The following SCN1A variants were observed in gnomAD, a reference collection of about 807,000 sequenced individuals.
The protein encoded by SCN1A is sodium channel protein type 1 subunit alpha.
In SCN1A, 13 loss-of-function variants were observed where a neutral mutation model predicts 193.7. The ratio of observed to expected loss-of-function variants is 0.07; its 90% CI spans 0.04 to 0.11. The LOEUF (loss-of-function observed/expected upper bound fraction) is 0.11. SCN1A is among the 10% of genes least tolerant of loss of function. SCN1A has a pLI of 1.00. For missense variants in SCN1A, 1,432 were observed against 2,451.1 expected, an observed-to-expected ratio of 0.58 and a Z score of 8.78; for synonymous variants, 781 against 843.6, an observed-to-expected ratio of 0.93 and a Z score of 1.29.
rs1196921540 is a variant in SCN1A, at chr2:165,992,217, G to A, written c.5058C>T (p.Ile1686=). The change falls in exon 29 of 29, where the codon ATC becomes ATT. Residue 1686 remains isoleucine (I), a synonymous_variant. Transcript: ENST00000674923. This position sits in a 1 kb window ranked among gnomAD's most constrained non-coding sequence, Gnocchi z 6.5. ...LLFLVMFIYA[I]FGMSNFAYVK... is the part of the protein sequence containing the mutation. ...CATAGGCAAAGTTGGACATCCCAAA[G>A]ATGGCGTAGATGAACATGACTAGGA... is the stretch of plus-strand genomic sequence containing the variant. 3 of 1,613,864 alleles carry A rather than the reference G, an allele frequency of 1.9e-6. No individual in the cohort carries two copies. Among genetic ancestry groups the A allele is most frequent in the Non-Finnish European group, 2.5e-6 (3 of 1,179,874 alleles).
At chr2:166,075,123 A>G (rs1243842271) in intron 3 of SCN1A, among the ~76,000 whole-genome samples, 2 of 152,198 alleles carry the variant, frequency 1.3e-5, no homozygotes, top group African/African-American at 4.8e-5. Context: ...TTTAGGGATA[A>G]CAAATATAGT....
At chr2:166,137,295 A>G (rs1251173902) in intron 1 of SCN1A, among the ~76,000 whole-genome samples, 1 of 152,218 alleles carries the variant, frequency 6.6e-6, no homozygotes, top group Non-Finnish European at 1.5e-5. Context: ...CTTTATGATA[A>G]AAGATTCTAT....
At chr2:166,063,746 C>T (rs1284833197) in intron 4 of SCN1A, among the ~76,000 whole-genome samples, 2 of 152,014 alleles carry the variant, frequency 1.3e-5, no homozygotes, top group African/African-American at 4.8e-5. Context: ...TTAATTTTAA[C>T]AGTATTTTCT....
intron 2 of SCN1A, among the ~76,000 whole-genome samples, chr2:166,121,283 G>C (rs543168224): frequency 6.6e-6 from 1 of 152,194 alleles, no homozygotes; most frequent in African/African-American, 2.4e-5. Flanking sequence ...CTAGATTGTA[G>C]CTATCCCTTA....
chr2:166,093,757 TCTTAA>T (rs1687079072), intron 2 of SCN1A, among the ~76,000 whole-genome samples: 3 of 152,218 alleles, frequency 2.0e-5, no homozygotes, highest in Admixed American at 6.5e-5. Context: ...CATAACATGT[TCTTAA>T]CTTTTGTTTT....
intron 2 of SCN1A, among the ~76,000 whole-genome samples, chr2:166,086,969 T>C (rs537984412): frequency 6.6e-6 from 1 of 152,170 alleles, no homozygotes; most frequent in African/African-American, 2.4e-5. Flanking sequence ...TCTGTCTAGG[T>C]GTATGATACT....
chr2:166,036,601 C>A, intron 18 of SCN1A, 71 bp from the exon 19 acceptor site: 2 of 1,495,480 alleles, frequency 1.3e-6, no homozygotes, highest in Non-Finnish European at 1.8e-6. Flanking sequence ...ATCACTTATT[C>A]TTTCTTTTAA....
At chr2:166,009,681 G>A (rs780671583) in intron 23 of SCN1A, 38 bp downstream of exon 23, 16 of 1,561,102 alleles carry the variant, frequency 1.0e-5, no homozygotes, top group Non-Finnish European at 1.4e-5. Flanking sequence ...TTTAATTTTG[G>A]CTATATACAA....
In SCN1A at chr2:166,124,715, C is replaced by T. The variant is rs146280739; in HGVS notation, c.-142+2209G>A. ...TCTCTTGGCTAAGCTGTAGCTCTAC[C>T]ATCACATGGATGATGAGCAAACATC... On this transcript the variant is annotated intron_variant, in intron 2 of 28. Transcript: ENST00000674923. 6.9e-4 allele frequency among the ~76,000 whole-genome samples: 105 copies of T among 152,298 alleles called. No homozygotes were observed. In the East Asian group the frequency reaches 0.018, roughly 26 times the overall value.
Position 166,002,596 on chromosome 2 carries a change from A to G in SCN1A, c.4160T>C (p.Ile1387Thr). 1 of 1,612,066 alleles carries G rather than the reference A, an allele frequency of 6.2e-7. No individual in the cohort carries two copies. Among genetic ancestry groups the G allele is most frequent in the Non-Finnish European group, 8.5e-7 (1 of 1,178,780 alleles). ...ATCAGTATGATTATTCACGTCTTCG[A>G]TGTCAAACCTGTCACCAGTTGTGGT... ...INTTTGDRFD[I>T]EDVNNHTDCL... Residue 1387 changes from isoleucine to threonine, a missense_variant, in exon 24 of 29, where the codon ATC becomes ACC. Ile to Thr is a moderately conservative substitution (Grantham distance 89, BLOSUM62 -1). Around this residue, in one of 18 missense-constraint regions of SCN1A, gnomAD observed 107 missense variants for 259.4 expected, o/e 0.41. Coordinates refer to ENST00000674923, the MANE Select transcript of SCN1A (RefSeq NM_001165963.4).
At chr2:166,108,565 A>G (rs913943518) in intron 2 of SCN1A, among the ~76,000 whole-genome samples, 22 of 152,272 alleles carry the variant, frequency 1.4e-4, no homozygotes, top group Admixed American at 1.4e-3. Context: ...CCAAATGTCC[A>G]TTAGCTGGTA....
At chr2:166,098,688 A>G (rs1687679016) in intron 2 of SCN1A, among the ~76,000 whole-genome samples, 1 of 152,196 alleles carries the variant, frequency 6.6e-6, no homozygotes, top group Admixed American at 6.6e-5. Flanking sequence ...TAATGTACAA[A>G]AATCAGTAGC....
At chr2:166,040,204 CA>C (rs1696992805) in intron 16 of SCN1A, among the ~76,000 whole-genome samples, 1 of 152,188 alleles carries the variant, frequency 6.6e-6, no homozygotes, top group Non-Finnish European at 1.5e-5. Flanking sequence ...AGGCGTGAGC[CA>C]CTGCGCCCAG....
intron 2 of SCN1A, among the ~76,000 whole-genome samples, chr2:166,101,122 A>G (rs1394734122): frequency 7.0e-6 from 1 of 142,566 alleles, no homozygotes; most frequent in Non-Finnish European, 1.5e-5. Flanking sequence ...ATGTCCAACA[A>G]TGATAGACTG....
chr2:166,047,924 T>C (rs961229349), intron 10 of SCN1A, among the ~76,000 whole-genome samples, 156 bp from the exon 11 acceptor site: 19 of 152,294 alleles, frequency 1.2e-4, no homozygotes, highest in African/African-American at 4.3e-4. Context: ...TGACTGCATA[T>C]AGTCTTATTA....
chr2:166,120,596 CTTTTTTTTTTTTT>C (rs57044851), intron 2 of SCN1A, among the ~76,000 whole-genome samples: 4 of 72,456 alleles, frequency 5.5e-5, no homozygotes, highest in Admixed American at 2.3e-4. Flanking sequence ...TTTCTTTTCT[CTTTTTTTTTTTTT>C]TTTTTTTTTT....
At position 166,034,954 on chromosome 2, in the gene SCN1A, T is replaced by C. The variant is rs192661755; in HGVS notation, c.3429+1094A>G. 5.7e-4 allele frequency among the ~76,000 whole-genome samples: 87 copies of C among 152,308 alleles called. 1 individual carries two copies. Among genetic ancestry groups the C allele is most frequent in the African/African-American group, 2.1e-3 (86 of 41,572 alleles). ...CTGCTGGTATCTTGATCTTGGACTT[T>C]CCAGTTTCTGGACTATGAGAAAATA... On this transcript the variant is annotated intron_variant, in intron 19 of 28. Transcript: ENST00000674923.
chr2:166,094,492 A>T (rs1316027054), intron 2 of SCN1A, among the ~76,000 whole-genome samples: 3 of 152,214 alleles, frequency 2.0e-5, no homozygotes. Context: ...TGGCAGAAAT[A>T]AGGAATAACA....
intron 1 of SCN1A, among the ~76,000 whole-genome samples, chr2:166,142,337 CT>C (rs1198385877): frequency 2.6e-5 from 4 of 152,112 alleles, no homozygotes; most frequent in African/African-American, 9.7e-5. Flanking sequence ...ATAGTTGTGT[CT>C]TTATAATTGG....
Sources: gnomAD v4.1 joint callset for allele counts (sites outside exome capture counted in the v4.1 genomes callset) on GRCh38, gnomAD v4.1.1 for gene constraint, gnomAD v4.1.1 regional missense constraint, Gnocchi (gnomAD v3.1) non-coding constraint, MANE v1.5 for transcripts, NCBI Gene and HGNC (gene_info 2026-07-23, HGNC 2026-07-21) for gene names.